The following FANCA variants were observed in gnomAD, a reference collection of about 807,000 sequenced individuals.
The protein encoded by FANCA is Fanconi anemia group A protein.
In FANCA, 236 loss-of-function variants were observed where a neutral mutation model predicts 194.3. The observed-to-expected ratio is 1.21, with a 90% CI of 1.09 to 1.35. The LOEUF (loss-of-function observed/expected upper bound fraction) is 1.35, where lower values mean the gene tolerates loss of function less well. Ranked by LOEUF, FANCA falls within the 40% of genes most tolerant of loss-of-function variation. The probability of loss-of-function intolerance (pLI) is 0.00; values close to 1 mark genes in which losing one functional copy is unlikely to be tolerated. For missense variants in FANCA, 2,628 were observed against 1,813.9 expected (o/e 1.45, Z -8.15); for synonymous variants, 1,014 against 715.8 (o/e 1.42, Z -6.65).
At chr16:89,814,891 A>C (rs1323611550) in intron 2 of FANCA, among the ~76,000 whole-genome samples, 6 of 152,126 alleles carry the variant, frequency 3.9e-5, no homozygotes, top group Non-Finnish European at 8.8e-5. Context: ...CAGTGAGCCG[A>C]GATCACCCCA....
chr16:89,764,590 G>A (rs930066039), intron 28 of FANCA, among the ~76,000 whole-genome samples: 1 of 152,202 alleles, frequency 6.6e-6, no homozygotes, highest in Non-Finnish European at 1.5e-5. Context: ...ACAGGTGTGA[G>A]CACCGTGCCC....
chr16:89,770,485 C>T (rs2039285714), intron 24 of FANCA, 79 bp downstream of exon 24: 1 of 1,346,858 alleles, frequency 7.4e-7, no homozygotes, highest in African/African-American at 1.4e-5. Flanking sequence ...GCTCATGAGT[C>T]CCTGGTCTGC....
rs1206494398 is a variant in FANCA at position 89,814,407 on chromosome 16, G to GT, written c.283+112dup. ...ATAGAATTTGCGACTACACACACCA[G>GT]TGGAAACCCATCGCCTGAGAAAATT... On this transcript the variant is annotated intron_variant, in intron 3 of 42. Transcript: ENST00000389301. 47 of 783,548 alleles carry GT rather than the reference G, an allele frequency of 6.0e-5. No individual in the cohort carries two copies. In the African/African-American group the frequency reaches 7.7e-4, roughly 13 times the overall value. The allele number at this position is 783,548 out of a possible 1,614,324, so 48.5% of individuals were successfully genotyped here.
Position 89,795,886 on chromosome 16 carries a change from A to G in FANCA, c.1006+20T>C. 2 of 1,575,510 alleles carry G rather than the reference A, an allele frequency of 1.3e-6. No individual in the cohort carries two copies. On this transcript the variant is annotated intron_variant, in intron 11 of 42. Transcript: ENST00000389301. ...TCCCCAAAATGGGTAGCAACTGAGCAGCCTCCACACTGGGCCTACCTTTCA... is the reference window on the plus strand; with the variant it reads ...TCCCCAAAATGGGTAGCAACTGAGCGGCCTCCACACTGGGCCTACCTTTCA...
chr16:89,742,057 C>T (rs2062146567), intron 37 of FANCA, among the ~76,000 whole-genome samples: 1 of 152,126 alleles, frequency 6.6e-6, no homozygotes, highest in South Asian at 2.1e-4. Flanking sequence ...CCTCTGCCCC[C>T]TGGGTTCAAG....
At chr16:89,757,021 C>T (rs1356334539) in intron 30 of FANCA, among the ~76,000 whole-genome samples, 3 of 152,178 alleles carry the variant, frequency 2.0e-5, no homozygotes, top group Non-Finnish European at 4.4e-5. Context: ...CTCTGTCACA[C>T]AGGCTGGAAT....
At chr16:89,791,105 A>G (rs1007504041) in intron 14 of FANCA, 4 of 440,862 alleles carry the variant, frequency 9.1e-6, no homozygotes, top group Non-Finnish European at 1.7e-5. Context: ...TTTTCTTATA[A>G]AAGACAGCAG....
intron 29 of FANCA, among the ~76,000 whole-genome samples, chr16:89,760,874 T>A (rs1474648839): frequency 6.6e-6 from 1 of 152,172 alleles, no homozygotes; most frequent in Non-Finnish European, 1.5e-5. Flanking sequence ...CACTTCTGTA[T>A]CTACCTGTGT....
At chr16:89,808,227 T>G in intron 6 of FANCA, 67 bp downstream of exon 6, 1 of 1,497,514 alleles carries the variant, frequency 6.7e-7, no homozygotes, top group Non-Finnish European at 9.3e-7. Flanking sequence ...ATTCTGGGCT[T>G]TGAAATATAA....
chr16:89,815,218 G>T (rs2041057576), intron 2 of FANCA, among the ~76,000 whole-genome samples: 3 of 151,288 alleles, frequency 2.0e-5, no homozygotes. Context: ...TGTATTTTAA[G>T]TAGTGACGGG....
intron 18 of FANCA, 32 bp from the exon 19 acceptor site, chr16:89,779,035 T>A: frequency 6.2e-7 from 1 of 1,608,864 alleles, no homozygotes; most frequent in East Asian, 2.2e-5. Flanking sequence ...AGTGCATCAG[T>A]CAGAGCAGCG....
intron 3 of FANCA, among the ~76,000 whole-genome samples, chr16:89,813,022 C>T (rs1239726944): frequency 8.0e-6 from 1 of 124,748 alleles, no homozygotes; most frequent in Admixed American, 8.5e-5. Context: ...GACAGAGCAA[C>T]ACTTCGTCTC....
At chr16:89,799,458 C>T (rs983870790) in intron 9 of FANCA, 147 bp downstream of exon 9, 12 of 991,940 alleles carry the variant, frequency 1.2e-5, no homozygotes, top group Non-Finnish European at 7.9e-6. Context: ...TCTGAAAATG[C>T]CAAAACAAGG....
At chr16:89,765,998 T>C (rs2039113074) in intron 27 of FANCA, among the ~76,000 whole-genome samples, 1 of 148,784 alleles carries the variant, frequency 6.7e-6, no homozygotes, top group African/African-American at 2.5e-5. Flanking sequence ...ATTATTTATT[T>C]ATTTTTTTTT....
In FANCA at chr16:89,741,693, C is replaced by T. The variant is rs570653031; in HGVS notation, c.3766-827G>A. On this transcript the variant is annotated intron_variant, in intron 37 of 42. Coordinates refer to ENST00000389301, the MANE Select transcript of FANCA (RefSeq NM_000135.4). ...GGCCTGGAATTCAAGAGCAGCCTCTCCCACTCCTTTCCCTATGCCTATGGC... is the reference window on the plus strand; with the variant it reads ...GGCCTGGAATTCAAGAGCAGCCTCTTCCACTCCTTTCCCTATGCCTATGGC... Among the ~76,000 whole-genome samples the T allele has an allele frequency of 3.3e-5, 5 of 152,290 alleles. No homozygotes were observed. In the East Asian group the frequency reaches 9.7e-4, roughly 29 times the overall value.
intron 29 of FANCA, among the ~76,000 whole-genome samples, chr16:89,760,253 G>A (rs1215540306): frequency 6.6e-6 from 1 of 152,252 alleles, no homozygotes; most frequent in African/African-American, 2.4e-5. Context: ...TGAAGGAAGC[G>A]CCTGCAGAGC....
At chr16:89,756,423 G>A (rs1444745179) in intron 30 of FANCA, among the ~76,000 whole-genome samples, 1 of 152,152 alleles carries the variant, frequency 6.6e-6, no homozygotes, top group Non-Finnish European at 1.5e-5. Flanking sequence ...GAGGTCAGAA[G>A]TTCAAGACCA....
intron 5 of FANCA, 22 bp from the exon 6 acceptor site, chr16:89,808,389 A>G: frequency 6.2e-7 from 1 of 1,609,702 alleles, no homozygotes; most frequent in Non-Finnish European, 8.5e-7. Flanking sequence ...AACAAAACAA[A>G]CAAAAACAAA....
intron 31 of FANCA, among the ~76,000 whole-genome samples, chr16:89,751,731 A>T (rs894186688): frequency 1.3e-5 from 2 of 152,100 alleles, no homozygotes; most frequent in Non-Finnish European, 2.9e-5. Flanking sequence ...TCGGACTCCC[A>T]AAGTACTGGG....
Sources: allele counts gnomAD v4.1 joint callset (sites outside exome capture counted in the v4.1 genomes callset), GRCh38; gene constraint gnomAD v4.1.1; transcripts MANE v1.5; gene names NCBI Gene and HGNC (gene_info 2026-07-23, HGNC 2026-07-21).